ADGRG6: variants seen among roughly 807,000 people sequenced by gnomAD.
ADGRG6 encodes the protein G-protein coupled receptor 126.
A neutral mutation model predicts 142.4 loss-of-function variants in ADGRG6; 84 were observed. The ratio of observed to expected loss-of-function variants is 0.59; its 90% CI spans 0.49 to 0.71. The LOEUF (loss-of-function observed/expected upper bound fraction) is 0.71. Ranked by LOEUF, ADGRG6 falls within the 30% of genes least tolerant of loss-of-function variation. The pLI, the probability that ADGRG6 is intolerant of heterozygous loss-of-function variation, is 0.00. For missense variants in ADGRG6, 1,367 were observed against 1,466.6 expected, an observed-to-expected ratio of 0.93 and a Z score of 1.11; for synonymous variants, 521 against 520.5, an observed-to-expected ratio of 1.00 and a Z score of -0.01.
At chr6:142,305,616 A>T (rs1777458921) in intron 1 of ADGRG6, among the ~76,000 whole-genome samples, 1 of 152,164 alleles carries the variant, frequency 6.6e-6, no homozygotes, top group African/African-American at 2.4e-5. Flanking sequence ...CAGTTCCCCC[A>T]ATGGTAGCAT....
At chr6:142,440,799 G>A (rs940107590) in intron 24 of ADGRG6, 27 of 628,038 alleles carry the variant, frequency 4.3e-5, no homozygotes, top group Admixed American at 6.8e-5. Flanking sequence ...GGAACAGTTA[G>A]CATCCTGGGA....
chr6:142,397,797 G>A (rs1346275137), intron 10 of ADGRG6, 42 bp downstream of exon 10: 2 of 1,251,806 alleles, frequency 1.6e-6, no homozygotes, highest in Admixed American at 6.6e-5. Flanking sequence ...TTATACAACT[G>A]TATATTCAGG....
chr6:142,367,000 T>A (rs1304577826), intron 2 of ADGRG6, among the ~76,000 whole-genome samples: 3 of 152,206 alleles, frequency 2.0e-5, no homozygotes, highest in Non-Finnish European at 2.9e-5. Context: ...TTTATTTGAA[T>A]TTCAGAAAAA....
Position 142,408,131 on chromosome 6 carries a change from A to ATT in ADGRG6, c.2269-11_2269-10dup. On this transcript the variant is annotated intron_variant, in intron 15 of 24. Coordinates refer to ENST00000367609, the MANE Select transcript of ADGRG6 (RefSeq NM_198569.3). ...AGTGTACTTCTGACTGATACACGCG[A>ATT]TTTTTTTTTCTTTAAAAGGATGTAG... The ATT allele has an allele frequency of 4.6e-6, 7 of 1,515,910 alleles. No individual in the cohort carries two copies. The highest frequency in any genetic ancestry group is 1.3e-5 in the South Asian group (1 of 77,554). The allele number at this position is 1,515,910 out of a possible 1,614,324, so 93.9% of individuals were successfully genotyped here. A position where few individuals can be genotyped will look rare whatever the true frequency, so the allele number is the denominator to read the frequency against.
At chr6:142,410,205 A>G (rs1029501508) in intron 17 of ADGRG6, among the ~76,000 whole-genome samples, 2 of 152,060 alleles carry the variant, frequency 1.3e-5, no homozygotes, top group African/African-American at 4.8e-5. Flanking sequence ...TACAGCATAC[A>G]ATTTTATTGC....
chr6:142,310,567 GA>G (rs1487816275), intron 2 of ADGRG6, among the ~76,000 whole-genome samples: 1 of 151,568 alleles, frequency 6.6e-6, no homozygotes, highest in Non-Finnish European at 1.5e-5. Context: ...AAACATCGTG[GA>G]AATAGATTAT....
chr6:142,338,013 C>CTTTTTTTTTTT (rs1779405902), intron 2 of ADGRG6, among the ~76,000 whole-genome samples: 2 of 26,072 alleles, frequency 7.7e-5, no homozygotes, highest in African/African-American at 3.6e-4. Flanking sequence ...TGCCTTGTAT[C>CTTTTTTTTTTT]TTTGTTTTTT....
intron 1 of ADGRG6, among the ~76,000 whole-genome samples, chr6:142,305,893 A>G (rs1369692193): frequency 6.8e-6 from 1 of 147,974 alleles, no homozygotes; most frequent in African/African-American, 2.5e-5. Context: ...AATCGAGTTA[A>G]TAGAATAGCA....
Position 142,428,878 on chromosome 6 carries a change from C to T in ADGRG6, c.3320-8556C>T, listed in dbSNP as rs79798555. Among the ~76,000 whole-genome samples the T allele has an allele frequency of 4.1e-3, 628 of 152,188 alleles. 3 individuals are homozygous for T. Among genetic ancestry groups the T allele is most frequent in the African/African-American group, 0.014 (596 of 41,520 alleles). ...TACTTAATTTAAGTTACAGAGTAAA[C>T]ATTTTGTTGATTTTTTTCCTGCAAA... On this transcript the variant is annotated intron_variant, in intron 22 of 24. Transcript: ENST00000367609.
At chr6:142,324,059 CTTT>C (rs896961701) in intron 2 of ADGRG6, among the ~76,000 whole-genome samples, 14 of 152,072 alleles carry the variant, frequency 9.2e-5, no homozygotes, top group Admixed American at 8.5e-4. Context: ...CTCCAGACTT[CTTT>C]GAGATCTAAT....
At chr6:142,373,885 T>C (rs1002847132) in intron 4 of ADGRG6, among the ~76,000 whole-genome samples, 7 of 140,092 alleles carry the variant, frequency 5.0e-5, no homozygotes, top group South Asian at 2.2e-4. Context: ...TCTTTTCTTT[T>C]TTTTTTTTTT....
At chr6:142,401,624 A>AT (rs1393536131) in intron 11 of ADGRG6, among the ~76,000 whole-genome samples, 1 of 152,204 alleles carries the variant, frequency 6.6e-6, no homozygotes, top group Non-Finnish European at 1.5e-5. Flanking sequence ...TTCTAATATC[A>AT]TTTATAGGAA....
At chr6:142,382,066 C>G (rs1357243402) in intron 5 of ADGRG6, 47 bp downstream of exon 5, 2 of 1,137,236 alleles carry the variant, frequency 1.8e-6, no homozygotes, top group Non-Finnish European at 2.6e-6. Context: ...TTTCTACTTG[C>G]AATTTTGGGT....
chr6:142,345,966 G>A (rs759093893), intron 2 of ADGRG6, among the ~76,000 whole-genome samples: 2 of 152,144 alleles, frequency 1.3e-5, no homozygotes, highest in Non-Finnish European at 2.9e-5. Flanking sequence ...TTGCGAGTTT[G>A]CATTTTTAAG....
intron 4 of ADGRG6, among the ~76,000 whole-genome samples, chr6:142,378,811 A>C (rs6903424): frequency 0.25 from 38,384 of 152,044 alleles, 5,563 homozygotes; most frequent in African/African-American, 0.4. Context: ...CATTCTTTAT[A>C]ATTCTTGGCC....
chr6:142,390,187 C>A, intron 6 of ADGRG6, 71 bp from the exon 7 acceptor site: 1 of 642,982 alleles, frequency 1.6e-6, no homozygotes, highest in Non-Finnish European at 2.6e-6. Flanking sequence ...ATGATCATAA[C>A]TTTAAATTGT....
chr6:142,443,333 G>A lies in ADGRG6; in HGVS notation c.3575-4G>A, dbSNP rs199640141. On this transcript the variant is annotated splice_polypyrimidine_tract_variant and splice_region_variant and intron_variant, in intron 24 of 24. Coordinates refer to ENST00000367609, the MANE Select transcript of ADGRG6 (RefSeq NM_198569.3). ...AACCTAATTTCTTGTATCATTTCTT[G>A]CAGACAGTGCTTCCATGGACAAGTC... is the stretch of plus-strand genomic sequence containing the variant. The A allele has an allele frequency of 6.9e-5, 111 of 1,604,016 alleles. No homozygotes were observed. In the African/African-American group the frequency reaches 1.2e-3, roughly 18 times the overall value.
chr6:142,370,380 A>G lies in ADGRG6; in HGVS notation c.656A>G (p.Lys219Arg), dbSNP rs1187834530. The change falls in exon 4 of 25, where the codon AAG (lysine) becomes AGG (arginine). Residue 219 changes from lysine to arginine, a missense_variant. Coordinates refer to ENST00000367609, the MANE Select transcript of ADGRG6 (RefSeq NM_198569.3). ...CAATTGCTCAGTTTTGGAAAGGCCA[A>G]GAGTGGCTACTTTCTATCCATTTCT... ...FTQLLSFGKA[K>R]SGYFLSISDS... 1.2e-6 allele frequency: 2 copies of G among 1,613,432 alleles called. No individual in the cohort carries two copies. The highest frequency in any genetic ancestry group is 3.3e-5 in the Admixed American group (2 of 59,998).
intron 22 of ADGRG6, among the ~76,000 whole-genome samples, chr6:142,432,611 CA>C (rs951144428): frequency 3.3e-5 from 5 of 152,024 alleles, no homozygotes; most frequent in Admixed American, 2.0e-4. Context: ...TTACAGACCA[CA>C]ATGGTTACTT....
Sources: gnomAD v4.1 joint callset for allele counts (sites outside exome capture counted in the v4.1 genomes callset) on GRCh38, gnomAD v4.1.1 for gene constraint, MANE v1.5 for transcripts, NCBI Gene and HGNC (gene_info 2026-07-23, HGNC 2026-07-21) for gene names.